CALN1: variants seen among roughly 807,000 people sequenced by gnomAD.
CALN1 encodes the protein calcium-binding protein 8.
A neutral mutation model predicts 30.6 loss-of-function variants in CALN1; 17 were observed. The ratio of observed to expected loss-of-function variants is 0.56; its 90% CI spans 0.38 to 0.83. The LOEUF (loss-of-function observed/expected upper bound fraction) is 0.83, where lower values mean the gene tolerates loss of function less well. Ranked by LOEUF, CALN1 falls within the 40% of genes least tolerant of loss-of-function variation. The probability of loss-of-function intolerance (pLI) is 0.00; values close to 1 mark genes in which losing one functional copy is unlikely to be tolerated. For synonymous variants in CALN1, 156 were observed against 131.4 expected, an observed-to-expected ratio of 1.19 and a Z score of -1.28; for missense variants, 291 against 354.9, an observed-to-expected ratio of 0.82 and a Z score of 1.45.
At chr7:72,141,895 C>A (rs1809969195) in intron 3 of CALN1, among the ~76,000 whole-genome samples, 1 of 152,032 alleles carries the variant, frequency 6.6e-6, no homozygotes, top group African/African-American at 2.4e-5. Context: ...ACAGATGGGC[C>A]CTATGTCAAA....
intron 4 of CALN1, among the ~76,000 whole-genome samples, chr7:72,073,849 A>G (rs1804560369): frequency 6.6e-6 from 1 of 152,132 alleles, no homozygotes; most frequent in African/African-American, 2.4e-5. Context: ...GTATGCCACC[A>G]TGACTGGCTA....
intron 6 of CALN1, among the ~76,000 whole-genome samples, chr7:71,796,487 G>A (rs1228606225): frequency 2.0e-5 from 3 of 151,352 alleles, no homozygotes; most frequent in Non-Finnish European, 2.9e-5. Flanking sequence ...AGCCTCCCGA[G>A]TAGCTAAGAT....
chr7:72,165,990 G>A (rs1208848136), intron 3 of CALN1, among the ~76,000 whole-genome samples: 1 of 152,116 alleles, frequency 6.6e-6, no homozygotes, highest in Non-Finnish European at 1.5e-5. Flanking sequence ...TTAGGTGGCT[G>A]ACCCAGCAAT....
intron 5 of CALN1, among the ~76,000 whole-genome samples, chr7:71,854,035 G>A (rs1790797906): frequency 6.6e-6 from 1 of 152,030 alleles, no homozygotes; most frequent in African/African-American, 2.4e-5. Context: ...ACTATGATCA[G>A]CCTAAATTAA....
In CALN1 at chr7:72,369,359, T is replaced by TTTTTTGTTGTTG. The variant is rs3030372; in HGVS notation, c.119+33891_119+33892insCAACAACAAAAA. Among the ~76,000 whole-genome samples the TTTTTTGTTGTTG allele has an allele frequency of 7.5e-3, 1,096 of 146,700 alleles. 19 individuals are homozygous for TTTTTTGTTGTTG. Among genetic ancestry groups the TTTTTTGTTGTTG allele is most frequent in the African/African-American group, 0.026 (1,034 of 40,000 alleles). On this transcript the variant is annotated intron_variant, in intron 2 of 6. Coordinates refer to ENST00000395275, the MANE Select transcript of CALN1 (RefSeq NM_031468.4). ...TATAAATATTATAAATATTTATTTT[T>TTTTTTGTTGTTG]TTGTTGTTGTTGTTTGTTTTTGAGA... is the stretch of plus-strand genomic sequence containing the variant.
intron 5 of CALN1, among the ~76,000 whole-genome samples, chr7:71,903,805 T>C (rs1241721016): frequency 6.6e-6 from 1 of 152,116 alleles, no homozygotes; most frequent in Non-Finnish European, 1.5e-5. Context: ...ATGCATCTGA[T>C]AAGGGGTTAA....
At chr7:72,284,807 T>C (rs1585359506) in intron 2 of CALN1, among the ~76,000 whole-genome samples, 1 of 152,040 alleles carries the variant, frequency 6.6e-6, no homozygotes, top group Non-Finnish European at 1.5e-5. Flanking sequence ...TTTAAAGTTA[T>C]ACAGATAGAT....
intron 2 of CALN1, among the ~76,000 whole-genome samples, chr7:72,327,514 T>G (rs1801364508): frequency 6.6e-6 from 1 of 152,100 alleles, no homozygotes; most frequent in African/African-American, 2.4e-5. Flanking sequence ...AACGAACACT[T>G]CATTGAACGT....
chr7:71,980,989 C>T (rs1798365207), intron 5 of CALN1, among the ~76,000 whole-genome samples: 1 of 152,064 alleles, frequency 6.6e-6, no homozygotes, highest in Non-Finnish European at 1.5e-5. Context: ...AAGAAGGCCA[C>T]AGGAAGCAGA....
At chr7:72,373,257 G>A (rs1306968530) in intron 2 of CALN1, among the ~76,000 whole-genome samples, 1 of 152,174 alleles carries the variant, frequency 6.6e-6, no homozygotes, top group East Asian at 1.9e-4. Context: ...AGCCTCAGGG[G>A]CCTGTGGAAA....
intron 3 of CALN1, among the ~76,000 whole-genome samples, chr7:72,149,231 C>T (rs146369066): frequency 1.1e-4 from 16 of 152,038 alleles, no homozygotes; most frequent in Non-Finnish European, 1.5e-4. Context: ...TTTGGGAGAC[C>T]GAGGCGGGTG....
At chr7:72,083,205 A>G (rs1477466394) in intron 4 of CALN1, among the ~76,000 whole-genome samples, 1 of 151,998 alleles carries the variant, frequency 6.6e-6, no homozygotes, top group Non-Finnish European at 1.5e-5. Flanking sequence ...TGTCTCAAAA[A>G]AAGATGCAAG....
upstream of CALN1, among the ~76,000 whole-genome samples, chr7:72,413,655 A>T (rs1399758685): frequency 6.6e-6 from 1 of 151,950 alleles, no homozygotes; most frequent in Non-Finnish European, 1.5e-5. Flanking sequence ...ATAAACTCAC[A>T]GTTATGCACA....
At chr7:72,269,226 A>G (rs1437860597) in intron 3 of CALN1, among the ~76,000 whole-genome samples, 1 of 152,132 alleles carries the variant, frequency 6.6e-6, no homozygotes, top group Non-Finnish European at 1.5e-5. Flanking sequence ...ATTTTATTAT[A>G]CTTTAAGTTT....
intron 3 of CALN1, among the ~76,000 whole-genome samples, chr7:72,209,550 C>CCTCCCTCT (rs1398578712): frequency 1.0e-5 from 1 of 95,832 alleles, no homozygotes; most frequent in Admixed American, 1.2e-4. Flanking sequence ...GCCCTCCGTT[C>CCTCCCTCT]CTCCCTCTCT....
intron 3 of CALN1, among the ~76,000 whole-genome samples, chr7:72,158,097 T>C (rs1275556093): frequency 2.0e-5 from 3 of 152,182 alleles, no homozygotes; most frequent in Admixed American, 1.3e-4. Context: ...ATTTCACTCA[T>C]TCAGCCAGCC....
chr7:72,326,224 G>T (rs1423288707), intron 2 of CALN1, among the ~76,000 whole-genome samples: 1 of 152,138 alleles, frequency 6.6e-6, no homozygotes, highest in Non-Finnish European at 1.5e-5. Context: ...ATTGAAAGTG[G>T]TTTTACAAAC....
chr7:72,436,852 T>C (rs938265958), intron 1 of CALN1, among the ~76,000 whole-genome samples: 2 of 152,110 alleles, frequency 1.3e-5, no homozygotes, highest in Non-Finnish European at 2.9e-5. Flanking sequence ...CCAAAAAGTC[T>C]GTCTTGACAA....
At chr7:71,959,344 A>G (rs1376434778) in intron 5 of CALN1, among the ~76,000 whole-genome samples, 1 of 152,170 alleles carries the variant, frequency 6.6e-6, no homozygotes, top group Non-Finnish European at 1.5e-5. Context: ...TTTCTTGGAG[A>G]TCGCAAACAC....
Sources: gnomAD v4.1 joint callset for allele counts (sites outside exome capture counted in the v4.1 genomes callset) on GRCh38, gnomAD v4.1.1 for gene constraint, MANE v1.5 for transcripts, NCBI Gene and HGNC (gene_info 2026-07-23, HGNC 2026-07-21) for gene names.